The following FAM20A variants were observed in gnomAD, a reference collection of about 807,000 sequenced individuals.
FAM20A encodes the protein pseudokinase FAM20A.
A neutral mutation model predicts 52.0 loss-of-function variants in FAM20A; 42 were observed. That is an observed-to-expected ratio of 0.81 (90% confidence interval 0.63 to 1.04). The LOEUF is 1.04. Ranked by LOEUF, FAM20A falls within the 50% of genes least tolerant of loss-of-function variation. The probability of loss-of-function intolerance (pLI) is 0.00; values close to 1 mark genes in which losing one functional copy is unlikely to be tolerated. For missense variants in FAM20A, 742 were observed against 712.7 expected (o/e 1.04, Z -0.47); for synonymous variants, 304 against 298.9 (o/e 1.02, Z -0.18).
chr17:68,571,434 G>C (rs1450493357), intron 1 of FAM20A, among the ~76,000 whole-genome samples: 1 of 152,186 alleles, frequency 6.6e-6, no homozygotes, highest in Admixed American at 6.5e-5. Context: ...CAAAACTTGA[G>C]GAAGAAAATC....
chr17:68,569,796 G>C (rs1196771854), intron 1 of FAM20A, among the ~76,000 whole-genome samples: 4 of 152,134 alleles, frequency 2.6e-5, no homozygotes, highest in Admixed American at 2.6e-4. Flanking sequence ...CATATCCTTG[G>C]CCTGGGGCAC....
At chr17:68,542,566 C>T in intron 6 of FAM20A, 128 bp downstream of exon 6, 2 of 770,818 alleles carry the variant, frequency 2.6e-6, no homozygotes, top group South Asian at 2.8e-5. Context: ...TGTCTTACAA[C>T]TTCATACGCC....
Position 68,600,209 on chromosome 17 carries a change from G to C in FAM20A, c.404+54C>G, listed in dbSNP as rs1230188645. The C allele has an allele frequency of 6.5e-7, 1 of 1,537,246 alleles. No individual in the cohort carries two copies. The highest frequency in any genetic ancestry group is 8.8e-7 in the Non-Finnish European group (1 of 1,141,510). On this transcript the variant is annotated intron_variant, in intron 1 of 10. Transcript: ENST00000592554. This position sits in a 1 kb window ranked among gnomAD's most constrained non-coding sequence, Gnocchi z 6.2. ...GTCAGGAAACTCGAGACTGGGGCGC[G>C]GGGAGGCCCCGGCCAGAGCGCCCGC... is the stretch of plus-strand genomic sequence containing the variant.
intron 1 of FAM20A, among the ~76,000 whole-genome samples, chr17:68,586,750 T>C (rs115466098): frequency 4.2e-4 from 64 of 152,368 alleles, no homozygotes; most frequent in African/African-American, 1.5e-3. Context: ...ATTTTTGTTG[T>C]TTTAGGCCAC....
chr17:68,596,080 G>A (rs979332678), intron 1 of FAM20A, among the ~76,000 whole-genome samples: 4 of 152,054 alleles, frequency 2.6e-5, no homozygotes, highest in Admixed American at 2.0e-4. Context: ...TGTCATTTTT[G>A]AAAAGCTGCC....
At position 68,537,583 on chromosome 17, in the gene FAM20A, C is replaced by T. The variant is rs1458167248; in HGVS notation, c.1520G>A (p.Arg507Lys). ...ALDRRLQTIL[R>K]TVEGCIVAHG... ...GGCCACTATGCACCCCTCCACTGTC[C>T]TTAGGATGGTTTGGAGCCTTCGATC... Residue 507 changes from arginine to lysine, a missense_variant, in exon 11 of 11, where the codon AGG becomes AAG. Transcript: ENST00000592554. This position sits in a 1 kb window ranked among gnomAD's most constrained non-coding sequence, Gnocchi z 4.2. The T allele has an allele frequency of 2.5e-6, 4 of 1,613,574 alleles. No homozygotes were observed. The highest frequency in any genetic ancestry group is 3.4e-6 in the Non-Finnish European group (4 of 1,179,648).
chr17:68,555,065 G>A (rs2087015338), intron 2 of FAM20A, among the ~76,000 whole-genome samples: 1 of 152,186 alleles, frequency 6.6e-6, no homozygotes, highest in Non-Finnish European at 1.5e-5. Context: ...ATACCTGGCT[G>A]GGAGACTGAG....
chr17:68,558,096 A>G (rs531366049), intron 1 of FAM20A, among the ~76,000 whole-genome samples: 2 of 152,278 alleles, frequency 1.3e-5, no homozygotes, highest in South Asian at 4.2e-4. Context: ...TTGACACACT[A>G]TTGTTGGCTT....
chr17:68,554,790 A>AC lies in FAM20A; in HGVS notation c.626dup (p.Cys209TrpfsTer2). On this transcript the variant is annotated frameshift_variant, in exon 3 of 11. Transcript: ENST00000592554. LOFTEE classifies it high-confidence loss of function. ...TAGGTCACTTACTCTGGGTGCAGTC[A>AC]CATGCCCCCAGCAAGGCTTTCTCAT... is the stretch of plus-strand genomic sequence containing the variant. 1.2e-6 allele frequency: 2 copies of AC among 1,614,118 alleles called. No individual in the cohort carries two copies. Among genetic ancestry groups the AC allele is most frequent in the South Asian group, 2.2e-5 (2 of 91,064 alleles).
intron 8 of FAM20A, chr17:68,540,445 A>C: frequency 2.1e-6 from 1 of 467,466 alleles, no homozygotes; most frequent in Non-Finnish European, 4.3e-6. Context: ...TCTCCCTAGA[A>C]GTCCCTGTGG....
intron 1 of FAM20A, among the ~76,000 whole-genome samples, chr17:68,584,943 G>C (rs927798121): frequency 2.0e-5 from 3 of 152,216 alleles, no homozygotes; most frequent in African/African-American, 7.2e-5. Flanking sequence ...GAGGCCACTG[G>C]TGAGTTACGC....
chr17:68,557,133 G>A (rs1178333637), intron 1 of FAM20A, among the ~76,000 whole-genome samples: 1 of 151,984 alleles, frequency 6.6e-6, no homozygotes, highest in Non-Finnish European at 1.5e-5. Context: ...CCAGGAGGTG[G>A]AGGTTGCAGC....
intron 1 of FAM20A, among the ~76,000 whole-genome samples, chr17:68,572,734 TTTTATTTA>T (rs781335091): frequency 1.3e-5 from 2 of 152,156 alleles, no homozygotes; most frequent in African/African-American, 4.8e-5. Context: ...TTCTTTTTAA[TTTTATTTA>T]TTTATTTATT....
At chr17:68,581,366 C>CTTTCTTTCTTTCTTTCTTTCT (rs2087953800) in intron 1 of FAM20A, among the ~76,000 whole-genome samples, 2 of 134,824 alleles carry the variant, frequency 1.5e-5, no homozygotes, top group Non-Finnish European at 1.6e-5. Context: ...TTCTTTCTTT[C>CTTTCTTTCTTTCTTTCTTTCT]TTTCTTTCTT....
At chr17:68,590,418 T>C (rs1008906613) in intron 1 of FAM20A, 2 of 152,082 alleles carry the variant, frequency 1.3e-5, no homozygotes, top group African/African-American at 4.8e-5. Context: ...GACCTCTTTT[T>C]TCAGGAGAAA....
chr17:68,570,480 C>G (rs886280831), intron 1 of FAM20A, among the ~76,000 whole-genome samples: 1 of 152,204 alleles, frequency 6.6e-6, no homozygotes, highest in African/African-American at 2.4e-5. Flanking sequence ...TCTGGAAAGA[C>G]AGCTAATGGG....
At chr17:68,566,967 G>A (rs76988180) in intron 1 of FAM20A, among the ~76,000 whole-genome samples, 1 of 152,132 alleles carries the variant, frequency 6.6e-6, no homozygotes, top group Non-Finnish European at 1.5e-5. Flanking sequence ...ACCTTGGTCT[G>A]TCATTAAATA....
In FAM20A at chr17:68,539,893, G is replaced by A. The variant is rs377240666; in HGVS notation, c.1293C>T (p.Asn431=). ...GDDGFLIHLD[N]ARGFGRHSHD... ...CACGTGGGGAAGCTCACCCTCTGGC[G>A]TTGTCAAGGTGAATAAGGAACCCAT... is the stretch of plus-strand genomic sequence containing the variant. The change falls in exon 9 of 11, where the codon AAC becomes AAT. Residue 431 remains asparagine, a synonymous_variant. Coordinates refer to ENST00000592554, the MANE Select transcript of FAM20A (RefSeq NM_017565.4). 8.7e-6 allele frequency: 14 copies of A among 1,613,980 alleles called. No homozygotes were observed. The highest frequency in any genetic ancestry group is 6.7e-5 in the African/African-American group (5 of 74,926).
intron 1 of FAM20A, among the ~76,000 whole-genome samples, chr17:68,566,616 T>C (rs1234975176): frequency 6.6e-6 from 1 of 152,232 alleles, no homozygotes; most frequent in African/African-American, 2.4e-5. Context: ...TAGTCAGGAT[T>C]AGACACTTCT....
Sources: allele counts gnomAD v4.1 joint callset (sites outside exome capture counted in the v4.1 genomes callset), GRCh38; gene constraint gnomAD v4.1.1; non-coding constraint Gnocchi (gnomAD v3.1); transcripts MANE v1.5; gene names NCBI Gene and HGNC (gene_info 2026-07-23, HGNC 2026-07-21).